The following ZNF638 variants were observed in gnomAD, a reference collection of about 807,000 sequenced individuals.
ZNF638 encodes CTCL tumor antigen se33-1.
Under a neutral mutation model 195.6 loss-of-function variants are expected in ZNF638, and 46 were observed. The observed-to-expected ratio is 0.24, with a 90% CI of 0.19 to 0.30. The LOEUF (loss-of-function observed/expected upper bound fraction) is 0.30. ZNF638 is among the 10% of genes least tolerant of loss of function. The probability of loss-of-function intolerance (pLI) is 1.00; values close to 1 mark genes in which losing one functional copy is unlikely to be tolerated. For missense variants in ZNF638, 2,440 were observed against 2,325.3 expected (o/e 1.05, Z -1.01); for synonymous variants, 845 against 772.0 (o/e 1.09, Z -1.57).
intron 8 of ZNF638, among the ~76,000 whole-genome samples, chr2:71,372,292 T>C (rs2079328390): frequency 6.6e-6 from 1 of 152,160 alleles, no homozygotes; most frequent in African/African-American, 2.4e-5. Context: ...CCCATGGTAG[T>C]GAGACTTGCC....
chr2:71,370,144 A>T (rs1393059884), intron 8 of ZNF638, 139 bp downstream of exon 8: 4 of 966,242 alleles, frequency 4.1e-6, no homozygotes, highest in Non-Finnish European at 6.1e-6. Flanking sequence ...TAATTCAAGT[A>T]TGTTGAAATT....
Position 71,350,537 on chromosome 2 carries a change from G to A in ZNF638, c.1317+266G>A, listed in dbSNP as rs569515347. Among the ~76,000 whole-genome samples the A allele has an allele frequency of 2.8e-3, 424 of 151,958 alleles. 3 individuals are homozygous for A. The highest frequency in any genetic ancestry group is 3.4e-3 in the Non-Finnish European group (228 of 67,998). On this transcript the variant is annotated intron_variant, in intron 2 of 27. Coordinates refer to ENST00000264447, the MANE Select transcript of ZNF638 (RefSeq NM_014497.5). Reference sequence around the variant, plus strand: ...TTGAACTTTTAGTTATCCCACTTACGCAACATAAAATTTATGTAACATAAG... The same window carrying A: ...TTGAACTTTTAGTTATCCCACTTACACAACATAAAATTTATGTAACATAAG...
intron 3 of ZNF638, among the ~76,000 whole-genome samples, chr2:71,359,056 CAAAAAACTT>C (rs748887102): frequency 1.3e-5 from 2 of 152,032 alleles, no homozygotes; most frequent in African/African-American, 2.4e-5. Context: ...ACTGGGAAAC[CAAAAAACTT>C]ATGTGACTCG....
chr2:71,376,652 G>A lies in ZNF638; in HGVS notation c.2266-3570G>A, dbSNP rs193133392. On this transcript the variant is annotated intron_variant, in intron 8 of 27. Transcript: ENST00000264447. Reference sequence around the variant, plus strand: ...CATGTTAGGACTGCCTCTAACTCTAGCTGTGTTTCATGTAACATCTTCTCC... The same window carrying A: ...CATGTTAGGACTGCCTCTAACTCTAACTGTGTTTCATGTAACATCTTCTCC... Among the ~76,000 whole-genome samples, 363 of 152,188 alleles carry A rather than the reference G, an allele frequency of 2.4e-3. 1 individual carries two copies. The highest frequency in any genetic ancestry group is 8.5e-3 in the African/African-American group (351 of 41,514).
chr2:71,347,261 A>G (rs1573025955), intron 1 of ZNF638, among the ~76,000 whole-genome samples: 2 of 152,218 alleles, frequency 1.3e-5, no homozygotes, highest in East Asian at 3.8e-4. Flanking sequence ...ACCTTAAACA[A>G]TAAAGCTAAG....
chr2:71,403,682 C>T (rs1445229735), intron 16 of ZNF638, among the ~76,000 whole-genome samples, 188 bp from the exon 17 acceptor site: 2 of 151,960 alleles, frequency 1.3e-5, no homozygotes, highest in African/African-American at 4.8e-5. Flanking sequence ...TTATTTCTTG[C>T]TTATGGTTGT....
intron 10 of ZNF638, among the ~76,000 whole-genome samples, chr2:71,386,840 T>C (rs908798007): frequency 6.6e-6 from 1 of 152,132 alleles, no homozygotes; most frequent in Admixed American, 6.5e-5. Context: ...TTCACTGTTA[T>C]AAGATGCCTT....
intron 4 of ZNF638, among the ~76,000 whole-genome samples, chr2:71,363,481 T>C (rs4852254): frequency 0.48 from 72,852 of 152,076 alleles, 18,960 homozygotes; most frequent in Admixed American, 0.61. Flanking sequence ...ATTATTAAGT[T>C]CTGTATCCCC....
chr2:71,433,407 T>G, intron 27 of ZNF638, 124 bp downstream of exon 27: 1 of 688,344 alleles, frequency 1.5e-6, no homozygotes. Flanking sequence ...TTATTCCTCT[T>G]AAGTCCTGTT....
In ZNF638 at chr2:71,406,176, C is replaced by T. The variant is rs756046149; in HGVS notation, c.3049C>T (p.Pro1017Ser). 2 of 1,613,554 alleles carry T rather than the reference C, an allele frequency of 1.2e-6. No homozygotes were observed. The highest frequency in any genetic ancestry group is 2.2e-5 in the South Asian group (2 of 91,066). ...TCGATTTGTACATCTTGATAATTTA[C>T]CGGAAGATGGACTTCAGTGTGTACT... The part of the protein sequence containing the change: ...YDRFVHLDNL[P>S]EDGLQCVLCV... Residue 1017 changes from proline to serine, a missense_variant, in exon 19 of 28, where the codon CCG becomes TCG. Coordinates refer to ENST00000264447, the MANE Select transcript of ZNF638 (RefSeq NM_014497.5).
intron 10 of ZNF638, among the ~76,000 whole-genome samples, chr2:71,384,620 A>G (rs796600687): frequency 7.2e-5 from 11 of 152,230 alleles, no homozygotes; most frequent in African/African-American, 2.6e-4. Context: ...TCTTTTGGGG[A>G]GAGTTGGAGG....
intron 5 of ZNF638, among the ~76,000 whole-genome samples, chr2:71,364,760 C>T (rs1479227711): frequency 6.6e-6 from 1 of 152,164 alleles, no homozygotes; most frequent in African/African-American, 2.4e-5. Flanking sequence ...CTAGTATAGT[C>T]TAAAATGCTG....
At chr2:71,339,460 A>G (rs995780220) in intron 1 of ZNF638, among the ~76,000 whole-genome samples, 2 of 152,166 alleles carry the variant, frequency 1.3e-5, no homozygotes, top group African/African-American at 2.4e-5. Flanking sequence ...CAGTTTAGGT[A>G]TATTTAATTG....
chr2:71,365,839 C>A (rs1014046287), intron 6 of ZNF638, 133 bp downstream of exon 6: 7 of 885,792 alleles, frequency 7.9e-6, no homozygotes, highest in Non-Finnish European at 1.0e-5. Flanking sequence ...CCTGCCTCAT[C>A]TTCCCAAGTA....
chr2:71,423,670 G>T lies in ZNF638; in HGVS notation c.4156G>T (p.Asp1386Tyr), dbSNP rs915847089. 3.1e-6 allele frequency: 5 copies of T among 1,613,742 alleles called. No homozygotes were observed. In the African/African-American group the frequency reaches 5.3e-5, roughly 17 times the overall value. Residue 1386 changes from aspartate (D) to tyrosine (Y), a missense_variant, in exon 22 of 28, where the codon GAT (aspartate) becomes TAT (tyrosine). By Grantham distance (160) the Asp-to-Tyr change is radical. Transcript: ENST00000264447. ...TAAAACTAGTATTCTGGCTGTATCA[G>T]ATGTATCTAGCAGTAAACCAAGCAT... ...TSKTSILAVS[D>Y]VSSSKPSIKA... is the part of the protein sequence containing the mutation.
rs111874908 is a variant in ZNF638 at position 71,389,298 on chromosome 2, C to T, written c.2378-6843C>T. On this transcript the variant is annotated intron_variant, in intron 10 of 27. Coordinates refer to ENST00000264447, the MANE Select transcript of ZNF638 (RefSeq NM_014497.5). ...GGAGCTCTTAACCTGCCCGGTAATG[C>T]AAGATCAGCAAGGTACTCAGGTATA... 9.1e-3 allele frequency among the ~76,000 whole-genome samples: 1,381 copies of T among 152,310 alleles called. 21 individuals are homozygous for T. Among genetic ancestry groups the T allele is most frequent in the African/African-American group, 0.032 (1,316 of 41,560 alleles).
Position 71,350,105 on chromosome 2 carries a change from C to T in ZNF638, c.1151C>T (p.Pro384Leu). 1.9e-6 allele frequency: 3 copies of T among 1,614,098 alleles called. No homozygotes were observed. The highest frequency in any genetic ancestry group is 2.2e-5 in the South Asian group (2 of 91,076). The change falls in exon 2 of 28, where the codon CCC (proline) becomes CTC (leucine). Residue 384 changes from proline (P) to leucine (L), a missense_variant. Transcript: ENST00000264447. ...QSQADIPIRSPFGIVKASWLP... is the reference protein window; with the variant it reads ...QSQADIPIRSLFGIVKASWLP... ...CAGGCTGACATTCCCATTCGGTCTC[C>T]CTTTGGTATTGTGAAAGCATCCTGG...
chr2:71,331,851 C>T lies in ZNF638; in HGVS notation c.-227C>T. On this transcript the variant is annotated 5_prime_UTR_variant, in exon 1 of 28. Coordinates refer to ENST00000264447, the MANE Select transcript of ZNF638 (RefSeq NM_014497.5). The stretch of plus-strand genomic sequence containing the variant: ...AAACTGTGTGGGGCGCGGATGGGAT[C>T]CAGCTGTTAGTCGGGTAGGCATAGG... The T allele has an allele frequency of 5.1e-6, 5 of 986,266 alleles. No homozygotes were observed. The highest frequency in any genetic ancestry group is 6.0e-6 in the Non-Finnish European group (5 of 830,286). The allele number at this position is 986,266 out of a possible 1,614,324, so 61.1% of individuals were successfully genotyped here. A position where few individuals can be genotyped will look rare whatever the true frequency, so the allele number is the denominator to read the frequency against.
At chr2:71,380,485 C>T in intron 9 of ZNF638, 28 bp from the exon 10 acceptor site, 1 of 1,566,428 alleles carries the variant, frequency 6.4e-7, no homozygotes, top group Admixed American at 2.0e-5. Flanking sequence ...TCCTAAGTTG[C>T]TGCTAAATTT....
Sources: allele counts gnomAD v4.1 joint callset (sites outside exome capture counted in the v4.1 genomes callset), GRCh38; gene constraint gnomAD v4.1.1; transcripts MANE v1.5; gene names NCBI Gene and HGNC (gene_info 2026-07-23, HGNC 2026-07-21).